KCNQ5: variants seen among roughly 807,000 people sequenced by gnomAD.
The protein encoded by KCNQ5 is potassium voltage-gated channel subfamily Q member 5.
Under a neutral mutation model 98.2 loss-of-function variants are expected in KCNQ5, and 30 were observed. The ratio of observed to expected loss-of-function variants is 0.31; its 90% CI spans 0.23 to 0.41. The LOEUF (loss-of-function observed/expected upper bound fraction) is 0.41. Among genes scored for constraint, KCNQ5 ranks in the 10% least tolerant of loss-of-function variants. The pLI, the probability that KCNQ5 is intolerant of heterozygous loss-of-function variation, is 1.00. For missense variants in KCNQ5, 835 were observed against 1,182.5 expected (o/e 0.71, Z 4.31); for synonymous variants, 458 against 449.4 (o/e 1.02, Z -0.24).
At chr6:73,036,264 T>C (rs1771420019) in intron 2 of KCNQ5, among the ~76,000 whole-genome samples, 1 of 151,384 alleles carries the variant, frequency 6.6e-6, no homozygotes, top group Non-Finnish European at 1.5e-5. Context: ...TGGGCGCCTG[T>C]AGTCCCAGCT....
chr6:72,691,879 T>A (rs1768228539), intron 1 of KCNQ5, among the ~76,000 whole-genome samples: 1 of 152,228 alleles, frequency 6.6e-6, no homozygotes, highest in Non-Finnish European at 1.5e-5. Context: ...GCTTGGATTT[T>A]CAAGCATAAA....
intron 1 of KCNQ5, among the ~76,000 whole-genome samples, chr6:72,939,948 A>G (rs1766143792): frequency 6.6e-6 from 1 of 152,242 alleles, no homozygotes; most frequent in Admixed American, 6.5e-5. Flanking sequence ...TTTTGTAACT[A>G]AATGTGAAGG....
chr6:72,836,331 A>G (rs1306950590), intron 1 of KCNQ5, among the ~76,000 whole-genome samples: 1 of 152,210 alleles, frequency 6.6e-6, no homozygotes, highest in Non-Finnish European at 1.5e-5. Flanking sequence ...GGTTTCTGAG[A>G]ATAAACTGAT....
chr6:72,868,898 G>A (rs979491429), intron 1 of KCNQ5, among the ~76,000 whole-genome samples: 1 of 152,126 alleles, frequency 6.6e-6, no homozygotes, highest in African/African-American at 2.4e-5. Flanking sequence ...AAAATATAGA[G>A]ATAGAATGAA....
At chr6:72,800,043 T>A (rs1048278619) in intron 1 of KCNQ5, among the ~76,000 whole-genome samples, 2 of 152,212 alleles carry the variant, frequency 1.3e-5, no homozygotes, top group African/African-American at 2.4e-5. Context: ...ACTAGTACCT[T>A]ATTGTGTACT....
At chr6:72,677,128 C>G (rs1056735652) in intron 1 of KCNQ5, 4 of 152,204 alleles carry the variant, frequency 2.6e-5, no homozygotes, top group Admixed American at 2.0e-4. Flanking sequence ...GTACTACTCT[C>G]TGAAGCCTCT....
At chr6:72,653,472 T>A (rs1170468808) in intron 1 of KCNQ5, among the ~76,000 whole-genome samples, 1 of 152,098 alleles carries the variant, frequency 6.6e-6, no homozygotes. Context: ...TAAAAATGCC[T>A]TTTAAAATTC....
chr6:73,036,237 T>A (rs1372222538), intron 2 of KCNQ5, among the ~76,000 whole-genome samples: 1 of 151,358 alleles, frequency 6.6e-6, no homozygotes, highest in Non-Finnish European at 1.5e-5. Flanking sequence ...ATGCAAAAAA[T>A]TAGCTGGGCG....
chr6:72,891,033 G>A (rs148452927), intron 1 of KCNQ5, among the ~76,000 whole-genome samples: 20 of 152,338 alleles, frequency 1.3e-4, no homozygotes, highest in Non-Finnish European at 2.5e-4. Context: ...ATTCTACTAT[G>A]TTAGGCAATT....
At chr6:72,925,499 C>A (rs530903849) in intron 1 of KCNQ5, among the ~76,000 whole-genome samples, 1 of 152,212 alleles carries the variant, frequency 6.6e-6, no homozygotes, top group Admixed American at 6.5e-5. Flanking sequence ...ATTGAGTATC[C>A]AGTATGTGCC....
intron 1 of KCNQ5, among the ~76,000 whole-genome samples, chr6:72,835,740 GA>G (rs1483979236): frequency 1.3e-5 from 2 of 152,264 alleles, no homozygotes; most frequent in Non-Finnish European, 2.9e-5. Context: ...AGTAAAACCT[GA>G]AAGTGGCACA....
At chr6:72,760,618 G>A (rs1772219165) in intron 1 of KCNQ5, among the ~76,000 whole-genome samples, 1 of 152,060 alleles carries the variant, frequency 6.6e-6, no homozygotes. Context: ...ATAAGTCTCT[G>A]CCAAAGCTAA....
chr6:73,141,302 C>T (rs1330933611), intron 10 of KCNQ5, among the ~76,000 whole-genome samples: 3 of 152,206 alleles, frequency 2.0e-5, no homozygotes, highest in Non-Finnish European at 4.4e-5. Flanking sequence ...CCTCTTAATA[C>T]TATCACTTTG....
At chr6:72,704,032 G>GCTTAGTTCTTTCTTAATACTGA (rs1768952688) in intron 1 of KCNQ5, among the ~76,000 whole-genome samples, 1 of 152,110 alleles carries the variant, frequency 6.6e-6, no homozygotes. Context: ...ATGAGTCCTA[G>GCTTAGTTCTTTCTTAATACTGA]CTTAGTTCTT....
At chr6:73,099,788 A>G (rs1774684146) in intron 5 of KCNQ5, among the ~76,000 whole-genome samples, 1 of 152,260 alleles carries the variant, frequency 6.6e-6, no homozygotes, top group Non-Finnish European at 1.5e-5. Flanking sequence ...CAGAAAATCA[A>G]CAAAGAAACA....
intron 1 of KCNQ5, among the ~76,000 whole-genome samples, chr6:72,875,567 C>G (rs1778374585): frequency 6.6e-6 from 1 of 152,138 alleles, no homozygotes; most frequent in Admixed American, 6.6e-5. Flanking sequence ...AACATCTTGG[C>G]AGAAACTTCT....
At chr6:73,173,936 T>TA (rs1483536693) in intron 11 of KCNQ5, among the ~76,000 whole-genome samples, 2 of 152,186 alleles carry the variant, frequency 1.3e-5, no homozygotes, top group African/African-American at 4.8e-5. Context: ...ATTTATCAGA[T>TA]ATGCACACCA....
intron 8 of KCNQ5, 143 bp from the exon 9 acceptor site, chr6:73,124,343 A>T (rs906491343): frequency 1.4e-6 from 1 of 726,500 alleles, no homozygotes; most frequent in African/African-American, 1.8e-5. Context: ...ATTTATTATA[A>T]AGAACACTGC....
chr6:73,163,802 A>G (rs546785915), intron 10 of KCNQ5, among the ~76,000 whole-genome samples: 1 of 152,182 alleles, frequency 6.6e-6, no homozygotes, highest in Non-Finnish European at 1.5e-5. Context: ...AATCATACAA[A>G]TACACAACAA....
Sources: gnomAD v4.1 joint callset for allele counts (sites outside exome capture counted in the v4.1 genomes callset) on GRCh38, gnomAD v4.1.1 for gene constraint, MANE v1.5 for transcripts, NCBI Gene and HGNC (gene_info 2026-07-23, HGNC 2026-07-21) for gene names.